Variants in MIIP observed in about 807,000 individuals in gnomAD.
The protein encoded by MIIP is migration and invasion-inhibitory protein.
MIIP carries 44 observed loss-of-function variants against 44.8 expected under a neutral mutation model. The observed-to-expected ratio is 0.98, with a 90% CI of 0.77 to 1.26. The LOEUF (loss-of-function observed/expected upper bound fraction) is 1.26, where lower values mean the gene tolerates loss of function less well. MIIP is among the 50% of genes most tolerant of loss of function. The pLI, the probability that MIIP is intolerant of heterozygous loss-of-function variation, is 0.00. For missense variants in MIIP, 496 were observed against 511.7 expected (o/e 0.97, Z 0.30); for synonymous variants, 225 against 218.3 (o/e 1.03, Z -0.27).
Position 12,021,814 on chromosome 1 carries a change from C to CG in MIIP, c.90dup (p.Ser31ValfsTer56). 1 of 1,611,058 alleles carries CG rather than the reference C, an allele frequency of 6.2e-7. No homozygotes were observed. The highest frequency in any genetic ancestry group is 8.5e-7 in the Non-Finnish European group (1 of 1,179,486). On this transcript the variant is annotated frameshift_variant, in exon 2 of 10. Coordinates refer to ENST00000235332, the MANE Select transcript of MIIP (RefSeq NM_021933.4). LOFTEE classifies it high-confidence loss of function. Reference sequence around the variant, plus strand: ...GTGGGTGGGGCAGGATGCTGTGCGGCGGTCAGTGGCCAGGGCAGCCTCGGA... The same window carrying CG: ...GTGGGTGGGGCAGGATGCTGTGCGGCGGGTCAGTGGCCAGGGCAGCCTCGGA...
chr1:12,028,985 G>T, intron 4 of MIIP, 48 bp from the exon 5 acceptor site: 1 of 1,497,562 alleles, frequency 6.7e-7, no homozygotes, highest in South Asian at 1.1e-5. Context: ...CCACACAGCA[G>T]CCCCCAGCCC....
Position 12,021,767 on chromosome 1 carries a change from A to T in MIIP, c.41A>T (p.Asn14Ile), listed in dbSNP as rs143131861. The T allele has an allele frequency of 9.3e-6, 15 of 1,613,076 alleles. No homozygotes were observed. The African/African-American group carries it at 9.3e-5, about 10-fold the overall frequency. Residue 14 changes from asparagine (N) to isoleucine (I), a missense_variant, in exon 2 of 10, where the codon AAT (asparagine) becomes ATT (isoleucine). Asn to Ile is a moderately radical substitution (Grantham distance 149). Transcript: ENST00000235332. ...GAACTGGCACAGCTGCGGCTGCTCA[A>T]TCTGGAGCTCCTGAGGCAGCTGTGG... is the stretch of plus-strand genomic sequence containing the variant. The part of the protein sequence containing the change: ...AEELAQLRLL[N>I]LELLRQLWVG...
chr1:12,029,037 T>C lies in MIIP; in HGVS notation c.552T>C (p.Ser184=). ...PYLGYDWIAG[S]LDTSSSITSQ... is the part of the protein sequence containing the mutation. Reference sequence around the variant, plus strand: ...CTGGTGCTTTGCCCACACCAGGGTCTCTGGACACCAGCTCTTCCATCACCA... The same window carrying C: ...CTGGTGCTTTGCCCACACCAGGGTCCCTGGACACCAGCTCTTCCATCACCA... The change falls in exon 5 of 10, where the codon TCT becomes TCC. Residue 184 remains serine (S), a synonymous_variant. Coordinates refer to ENST00000235332, the MANE Select transcript of MIIP (RefSeq NM_021933.4). 6 of 1,613,932 alleles carry C rather than the reference T, an allele frequency of 3.7e-6. No homozygotes were observed. The East Asian group carries it at 6.7e-5, about 18-fold the overall frequency.
At chr1:12,029,611 G>T in intron 6 of MIIP, 154 bp from the exon 7 acceptor site, 1 of 1,111,176 alleles carries the variant, frequency 9.0e-7, no homozygotes, top group African/African-American at 1.6e-5. Flanking sequence ...TGGGCCCCAG[G>T]TTCTGGGAGG....
At chr1:12,023,056 CCT>C in intron 4 of MIIP, 139 bp downstream of exon 4, 5 of 559,434 alleles carry the variant, frequency 8.9e-6, no homozygotes, top group Non-Finnish European at 1.2e-5. Context: ...TGGGGAGCAC[CCT>C]CTTTTTTTTT....
chr1:12,022,522 T>G (rs1640005359), intron 3 of MIIP, 80 bp downstream of exon 3: 1 of 1,219,968 alleles, frequency 8.2e-7, no homozygotes. Context: ...CATGTGCTTG[T>G]GGGTAGCCTC....
chr1:12,021,310 C>T (rs927741511), intron 1 of MIIP, among the ~76,000 whole-genome samples: 3 of 151,376 alleles, frequency 2.0e-5, no homozygotes, highest in African/African-American at 7.3e-5. Flanking sequence ...AGGAGAATGG[C>T]GTGAACCCGG....
rs763607183 is a variant in MIIP at position 12,022,865 on chromosome 1, TC to T, written c.497del (p.Pro166LeufsTer118). The T allele has an allele frequency of 1.7e-5, 28 of 1,609,930 alleles. No homozygotes were observed. In the Admixed American group the frequency reaches 3.0e-4, roughly 17 times the overall value. On this transcript the variant is annotated frameshift_variant, in exon 4 of 10. Transcript: ENST00000235332. LOFTEE classifies it high-confidence loss of function. Reference sequence around the variant, plus strand: ...TGACCTTCTCTGAGGAGTCTGCAGTTCCTAAGAGGAGCTGGCGCCTCAGGCC... The same window carrying T: ...TGACCTTCTCTGAGGAGTCTGCAGTTCTAAGAGGAGCTGGCGCCTCAGGCC... ...RVTFSEESAV[P>X]KRSWRLRPYL...
rs762101589 is a variant in MIIP, at chr1:12,030,107, A to G, written c.925A>G (p.Thr309Ala). ...HRRKSFDASD[T>A]LALPRHCLLG... The stretch of plus-strand genomic sequence containing the variant: ...GCGAAAGAGCTTTGACGCCTCTGAC[A>G]CACTGGCCCTGCCCCGGGTGAGCAG... The change falls in exon 8 of 10, where the codon ACA (threonine) becomes GCA (alanine). Residue 309 changes from threonine to alanine, a missense_variant. By Grantham distance (58) the Thr-to-Ala change is moderately conservative. Transcript: ENST00000235332. 1.2e-6 allele frequency: 2 copies of G among 1,612,876 alleles called. No homozygotes were observed. Among genetic ancestry groups the G allele is most frequent in the Non-Finnish European group, 1.7e-6 (2 of 1,179,928 alleles).
chr1:12,027,502 C>A lies in MIIP; in HGVS notation c.548-1531C>A, dbSNP rs114074050. On this transcript the variant is annotated intron_variant, in intron 4 of 9. Coordinates refer to ENST00000235332, the MANE Select transcript of MIIP (RefSeq NM_021933.4). ...CCTGGACTTCCAGCCACTTGCTTCC[C>A]GGTTCTCCCCCATCTCTGTTGGTGC... 7.0e-3 allele frequency among the ~76,000 whole-genome samples: 1,070 copies of A among 152,262 alleles called. 16 individuals carry two copies. Among genetic ancestry groups the A allele is most frequent in the African/African-American group, 0.024 (997 of 41,554 alleles).
chr1:12,022,386 C>T lies in MIIP; in HGVS notation c.406C>T (p.Pro136Ser), dbSNP rs1427732627. Residue 136 changes from proline (P) to serine (S), a missense_variant, in exon 3 of 10, where the codon CCC becomes TCC. Physicochemically the swap from Pro to Ser is moderately conservative, Grantham distance 74. Coordinates refer to ENST00000235332, the MANE Select transcript of MIIP (RefSeq NM_021933.4). The part of the protein sequence containing the change: ...EPSGRLGDPG[P>S]QEAQTPRSIL... ...CTCAGGGAGGCTGGGTGATCCAGGA[C>T]CCCAGGAGGCACAGACCCCGAGGTC... The T allele has an allele frequency of 6.2e-7, 1 of 1,608,834 alleles. No individual in the cohort carries two copies. The highest frequency in any genetic ancestry group is 8.5e-7 in the Non-Finnish European group (1 of 1,178,172).
Position 12,031,598 on chromosome 1 carries a change from G to C in MIIP, c.1081-124G>C, listed in dbSNP as rs552459889. 5.0e-6 allele frequency: 8 copies of C among 1,609,634 alleles called. No individual in the cohort carries two copies. In the African/African-American group the frequency reaches 1.1e-4, roughly 21 times the overall value. The stretch of plus-strand genomic sequence containing the variant: ...CCTCGGAACTCCTCTGCTCCCTGCC[G>C]CCTGCCCTGCTCCACCCAGGAAGGC... On this transcript the variant is annotated intron_variant, in intron 9 of 9. Coordinates refer to ENST00000235332, the MANE Select transcript of MIIP (RefSeq NM_021933.4).
chr1:12,021,315 A>G (rs1569911942), intron 1 of MIIP, among the ~76,000 whole-genome samples: 1 of 150,016 alleles, frequency 6.7e-6, no homozygotes, highest in South Asian at 2.1e-4. Flanking sequence ...AATGGCGTGA[A>G]CCCGGGAGGC....
At chr1:12,023,676 CTT>C (rs771688884) in intron 4 of MIIP, among the ~76,000 whole-genome samples, 7 of 137,432 alleles carry the variant, frequency 5.1e-5, no homozygotes, top group African/African-American at 1.8e-4. Flanking sequence ...CCATGCCCGG[CTT>C]TTTTTTTTTT....
rs937285247 is a variant in MIIP, at chr1:12,029,125, A to G, written c.640A>G (p.Ile214Val). Residue 214 changes from isoleucine (I) to valine (V), a missense_variant, in exon 5 of 10, where the codon ATC becomes GTC. By Grantham distance (29) the Ile-to-Val change is conservative. Coordinates refer to ENST00000235332, the MANE Select transcript of MIIP (RefSeq NM_021933.4). ...EFRETNKEEC[I>V]CSHPEPQLPG... ...TCGGGAAACCAACAAGGAGGAGTGT[A>G]TCTGCAGCCATCCTGAGTGAGCAGG... 3.1e-6 allele frequency: 5 copies of G among 1,613,906 alleles called. No individual in the cohort carries two copies. The African/African-American group carries it at 6.7e-5, about 22-fold the overall frequency.
rs557881953 is a variant in MIIP at position 12,028,958 on chromosome 1, C to T, written c.548-75C>T. On this transcript the variant is annotated intron_variant, in intron 4 of 9. Coordinates refer to ENST00000235332, the MANE Select transcript of MIIP (RefSeq NM_021933.4). ...GGGGTGCCAGGGCTGATCGTCTCTCCAAGCCTTGGCCGGTGGCCACACAGC... is the reference window on the plus strand; with the variant it reads ...GGGGTGCCAGGGCTGATCGTCTCTCTAAGCCTTGGCCGGTGGCCACACAGC... 2.3e-6 allele frequency: 3 copies of T among 1,289,118 alleles called. No homozygotes were observed. In the South Asian group the frequency reaches 3.7e-5, roughly 16 times the overall value. The allele number at this position is 1,289,118 out of a possible 1,614,324, so 79.9% of individuals were successfully genotyped here.
rs896725067 is a variant in MIIP at position 12,028,741 on chromosome 1, G to A, written c.548-292G>A. The stretch of plus-strand genomic sequence containing the variant: ...ACAGTGTAAGCCTCATTAAGGCCAG[G>A]GGCTTTGTCTGTCTAGTTCCTGGCA... On this transcript the variant is annotated intron_variant, in intron 4 of 9. Transcript: ENST00000235332. 4 of 416,400 alleles carry A rather than the reference G, an allele frequency of 9.6e-6. No homozygotes were observed. The Admixed American group carries it at 1.1e-4, about 11-fold the overall frequency. The allele number at this position is 416,400 out of a possible 1,614,324, so 25.8% of individuals were successfully genotyped here.
intron 4 of MIIP, among the ~76,000 whole-genome samples, 164 bp downstream of exon 4, chr1:12,023,081 T>G (rs71647029): frequency 1.3e-5 from 2 of 148,646 alleles, no homozygotes; most frequent in Middle Eastern, 3.3e-3. Flanking sequence ...TTTTTTTTTT[T>G]GAGACGGAGT....
At chr1:12,026,476 C>A (rs1238682943) in intron 4 of MIIP, among the ~76,000 whole-genome samples, 1 of 152,204 alleles carries the variant, frequency 6.6e-6, no homozygotes. Context: ...CTCTGCTCCC[C>A]TGCCTTTGCC....
Sources: allele counts gnomAD v4.1 joint callset (sites outside exome capture counted in the v4.1 genomes callset), GRCh38; gene constraint gnomAD v4.1.1; transcripts MANE v1.5; gene names NCBI Gene and HGNC (gene_info 2026-07-23, HGNC 2026-07-21).